Variants in KCNIP4 observed in about 807,000 individuals in gnomAD.
KCNIP4 encodes potassium voltage-gated channel interacting protein 4.
KCNIP4 carries 12 observed loss-of-function variants against 34.0 expected under a neutral mutation model. That is an observed-to-expected ratio of 0.35 (90% CI 0.23 to 0.57). KCNIP4 has a LOEUF of 0.57. Among genes scored for constraint, KCNIP4 ranks in the 20% least tolerant of loss-of-function variants. KCNIP4 has a pLI of 0.83. For missense variants in KCNIP4, 238 were observed against 311.7 expected (o/e 0.76, Z 1.78); for synonymous variants, 124 against 102.2 (o/e 1.21, Z -1.29).
intron 1 of KCNIP4, among the ~76,000 whole-genome samples, chr4:21,658,426 AT>A (rs946662821): frequency 6.6e-6 from 1 of 151,644 alleles, no homozygotes; most frequent in Non-Finnish European, 1.5e-5. Flanking sequence ...TCCCTTTTTT[AT>A]TTTTTTGAGA....
intron 1 of KCNIP4, among the ~76,000 whole-genome samples, chr4:21,069,535 C>A (rs978383717): frequency 1.8e-4 from 28 of 152,138 alleles, no homozygotes; most frequent in African/African-American, 6.7e-4. Flanking sequence ...TTTCACTTGC[C>A]CGGAGAAGAG....
At chr4:21,612,090 CAG>C (rs1363348216) in intron 1 of KCNIP4, among the ~76,000 whole-genome samples, 1 of 152,048 alleles carries the variant, frequency 6.6e-6, no homozygotes, top group Non-Finnish European at 1.5e-5. Context: ...CCTGTCAACT[CAG>C]AGTTAGAATT....
chr4:20,871,764 T>C (rs1177888844), intron 2 of KCNIP4, among the ~76,000 whole-genome samples: 1 of 152,132 alleles, frequency 6.6e-6, no homozygotes, highest in Non-Finnish European at 1.5e-5. Context: ...TGAGTTCTTT[T>C]TTCCTCTTAG....
At chr4:21,053,192 T>C (rs1382604649) in intron 1 of KCNIP4, among the ~76,000 whole-genome samples, 2 of 152,172 alleles carry the variant, frequency 1.3e-5, no homozygotes, top group African/African-American at 4.8e-5. Context: ...GTCTTGGCAG[T>C]TTCTTCTCTA....
intron 3 of KCNIP4, among the ~76,000 whole-genome samples, chr4:20,814,104 G>T (rs1333137896): frequency 6.6e-6 from 1 of 152,144 alleles, no homozygotes; most frequent in Non-Finnish European, 1.5e-5. Context: ...CACATCGTAT[G>T]GTGCTGGGAA....
intron 1 of KCNIP4, among the ~76,000 whole-genome samples, chr4:21,088,967 A>G (rs1253473926): frequency 6.6e-6 from 1 of 152,228 alleles, no homozygotes; most frequent in Non-Finnish European, 1.5e-5. Flanking sequence ...TGTGAAATGA[A>G]TAAATATTTT....
At chr4:21,642,274 T>A (rs1746668399) in intron 1 of KCNIP4, among the ~76,000 whole-genome samples, 1 of 152,000 alleles carries the variant, frequency 6.6e-6, no homozygotes, top group South Asian at 2.1e-4. Context: ...AAGACTCGGT[T>A]ACAGTGTCAG....
chr4:21,390,312 T>A (rs1375025214), intron 1 of KCNIP4, among the ~76,000 whole-genome samples: 2 of 152,212 alleles, frequency 1.3e-5, no homozygotes, highest in Non-Finnish European at 2.9e-5. Flanking sequence ...TTTACTTAGA[T>A]CCCAATTGTC....
intron 4 of KCNIP4, among the ~76,000 whole-genome samples, chr4:20,756,519 C>G (rs1360028677): frequency 4.6e-5 from 7 of 152,152 alleles, no homozygotes; most frequent in African/African-American, 1.7e-4. Flanking sequence ...ATCTACCCAG[C>G]ACTATGATCA....
chr4:21,368,864 T>C (rs1720058917), intron 1 of KCNIP4, among the ~76,000 whole-genome samples: 1 of 147,592 alleles, frequency 6.8e-6, no homozygotes, highest in South Asian at 2.1e-4. Context: ...TTCTGGATTA[T>C]ACAGGTGAAA....
In KCNIP4 at chr4:20,729,749, T is replaced by G. The variant is rs1747448562; in HGVS notation, c.*333A>C. ...CATACAAATGAGTAGCAAAAAACAC[T>G]GATATTTTAAAATCACTGATATGTG... On this transcript the variant is annotated 3_prime_UTR_variant, in exon 9 of 9. Transcript: ENST00000382152. 2 of 209,654 alleles carry G rather than the reference T, an allele frequency of 9.5e-6. No homozygotes were observed. Among genetic ancestry groups the G allele is most frequent in the African/African-American group, 2.3e-5 (1 of 43,784 alleles). The allele number at this position is 209,654 out of a possible 1,614,324, so 13.0% of individuals were successfully genotyped here. A position where few individuals can be genotyped will look rare whatever the true frequency, so the allele number is the denominator to read the frequency against.
chr4:21,588,534 C>T (rs532619790), intron 1 of KCNIP4, among the ~76,000 whole-genome samples: 1 of 152,062 alleles, frequency 6.6e-6, no homozygotes, highest in Non-Finnish European at 1.5e-5. Context: ...GTCCCACGCC[C>T]TACATCAGGA....
intron 3 of KCNIP4, among the ~76,000 whole-genome samples, chr4:20,761,489 G>A (rs976081822): frequency 1.3e-5 from 2 of 152,156 alleles, no homozygotes; most frequent in Non-Finnish European, 2.9e-5. Context: ...CTCACACATG[G>A]AAATTGTGAT....
intron 1 of KCNIP4, among the ~76,000 whole-genome samples, chr4:21,876,379 A>T (rs1404528589): frequency 6.6e-6 from 1 of 152,166 alleles, no homozygotes; most frequent in African/African-American, 2.4e-5. Flanking sequence ...TAAAATAAAG[A>T]TTACATTTTT....
intron 1 of KCNIP4, among the ~76,000 whole-genome samples, chr4:21,483,203 G>A (rs975245529): frequency 6.6e-6 from 1 of 151,392 alleles, no homozygotes; most frequent in African/African-American, 2.4e-5. Context: ...TTGTGCACAT[G>A]TACCCTACAA....
chr4:21,280,482 GC>G (rs1216279187), intron 1 of KCNIP4, among the ~76,000 whole-genome samples: 1 of 152,126 alleles, frequency 6.6e-6, no homozygotes, highest in African/African-American at 2.4e-5. Flanking sequence ...TCTAGTAACA[GC>G]AAAAGCCTCC....
intron 3 of KCNIP4, among the ~76,000 whole-genome samples, chr4:20,760,686 A>G (rs1461725510): frequency 6.6e-6 from 1 of 152,142 alleles, no homozygotes; most frequent in Non-Finnish European, 1.5e-5. Flanking sequence ...GTGGCAAAGC[A>G]CTTTGTTACA....
intron 1 of KCNIP4, among the ~76,000 whole-genome samples, chr4:21,317,365 C>G (rs1713874349): frequency 2.0e-5 from 3 of 151,832 alleles, no homozygotes. Flanking sequence ...TATTCTGTGT[C>G]CAAAAACACC....
intron 1 of KCNIP4, among the ~76,000 whole-genome samples, chr4:21,603,486 G>T (rs1319531902): frequency 2.0e-5 from 3 of 152,270 alleles, no homozygotes; most frequent in Admixed American, 6.5e-5. Context: ...TGTTTTGGCT[G>T]GTTGAGAAAT....
Sources: gnomAD v4.1 joint callset for allele counts (sites outside exome capture counted in the v4.1 genomes callset) on GRCh38, gnomAD v4.1.1 for gene constraint, MANE v1.5 for transcripts, NCBI Gene and HGNC (gene_info 2026-07-23, HGNC 2026-07-21) for gene names.